THSD4: variants seen among roughly 807,000 people sequenced by gnomAD.
THSD4 encodes thrombospondin type 1 domain containing 4.
Under a neutral mutation model 119.0 loss-of-function variants are expected in THSD4, and 69 were observed. The ratio of observed to expected loss-of-function variants is 0.58; its 90% CI spans 0.48 to 0.71. The LOEUF (loss-of-function observed/expected upper bound fraction) is 0.71. Ranked by LOEUF, THSD4 falls within the 30% of genes least tolerant of loss-of-function variation. The probability of loss-of-function intolerance (pLI) is 0.00; values close to 1 mark genes in which losing one functional copy is unlikely to be tolerated. For missense variants in THSD4, 1,393 were observed against 1,391.1 expected (o/e 1.00, Z -0.02); for synonymous variants, 524 against 540.4 (o/e 0.97, Z 0.42).
intron 7 of THSD4, among the ~76,000 whole-genome samples, chr15:71,540,957 AAG>A (rs1451207711): frequency 6.6e-6 from 1 of 151,614 alleles, no homozygotes; most frequent in African/African-American, 2.4e-5. Context: ...TCCTGACCTC[AAG>A]TGATCCACCC....
At chr15:71,558,638 T>G (rs1259071247) in intron 7 of THSD4, among the ~76,000 whole-genome samples, 1 of 152,120 alleles carries the variant, frequency 6.6e-6, no homozygotes, top group Non-Finnish European at 1.5e-5. Context: ...CTGGCTAATT[T>G]TTTAAAATTT....
intron 8 of THSD4, among the ~76,000 whole-genome samples, chr15:71,686,788 T>G (rs751212367): frequency 6.6e-6 from 1 of 152,194 alleles, no homozygotes; most frequent in Non-Finnish European, 1.5e-5. Flanking sequence ...GCAGTCCCTA[T>G]GGACACTGTC....
At chr15:71,357,559 T>C (rs891479421) in intron 6 of THSD4, among the ~76,000 whole-genome samples, 9 of 152,206 alleles carry the variant, frequency 5.9e-5, no homozygotes, top group African/African-American at 2.2e-4. Flanking sequence ...GGGGAGGCTA[T>C]GCAGAGCCCC....
intron 7 of THSD4, among the ~76,000 whole-genome samples, chr15:71,521,794 G>A (rs2048445216): frequency 2.6e-5 from 4 of 152,160 alleles, no homozygotes; most frequent in Non-Finnish European, 5.9e-5. Context: ...ACGAGTAATA[G>A]ACATGTGTTT....
At chr15:71,758,141 G>C (rs114741382) in intron 15 of THSD4, 66 bp downstream of exon 15, 2 of 1,473,648 alleles carry the variant, frequency 1.4e-6, no homozygotes, top group Non-Finnish European at 1.8e-6. Context: ...GAGGGGTTAG[G>C]AACCAGGACT....
chr15:71,249,507 C>CATAT (rs552976625), intron 5 of THSD4, among the ~76,000 whole-genome samples: 1 of 137,234 alleles, frequency 7.3e-6, no homozygotes, highest in Non-Finnish European at 1.6e-5. Context: ...TTATTGACTT[C>CATAT]ATATATATAT....
intron 8 of THSD4, among the ~76,000 whole-genome samples, chr15:71,673,075 C>T (rs546457400): frequency 1.3e-5 from 2 of 152,212 alleles, no homozygotes; most frequent in African/African-American, 4.8e-5. Context: ...ACCAGCTCCT[C>T]TTTGTACCTC....
chr15:71,646,673 G>A (rs2050974914), intron 7 of THSD4, among the ~76,000 whole-genome samples: 1 of 152,138 alleles, frequency 6.6e-6, no homozygotes, highest in Admixed American at 6.6e-5. Context: ...CAGTAAATTA[G>A]GAGATATAAT....
intron 7 of THSD4, among the ~76,000 whole-genome samples, chr15:71,602,553 C>CAA (rs59370074): frequency 0.17 from 9,120 of 53,632 alleles, 1,216 homozygotes; most frequent in Middle Eastern, 0.23. Flanking sequence ...AACTCTGTCT[C>CAA]AAAAAAAAAA....
At chr15:71,720,040 T>TTC (rs1170125827) in intron 8 of THSD4, among the ~76,000 whole-genome samples, 1 of 145,374 alleles carries the variant, frequency 6.9e-6, no homozygotes, top group African/African-American at 2.5e-5. Flanking sequence ...TTTTTTCTTT[T>TTC]TTTTTTTTTT....
chr15:71,185,909 G>A (rs1438839927), intron 3 of THSD4: 2 of 152,182 alleles, frequency 1.3e-5, no homozygotes, highest in African/African-American at 2.4e-5. Context: ...AATGGTTAAA[G>A]TCTGGCCAGA....
At chr15:71,719,733 T>C (rs977754731) in intron 8 of THSD4, among the ~76,000 whole-genome samples, 10 of 152,208 alleles carry the variant, frequency 6.6e-5, no homozygotes, top group African/African-American at 2.2e-4. Flanking sequence ...TGGAGTACGG[T>C]GGCACGATCT....
At chr15:71,166,185 G>A (rs1411735027) in intron 3 of THSD4, among the ~76,000 whole-genome samples, 1 of 152,094 alleles carries the variant, frequency 6.6e-6, no homozygotes, top group African/African-American at 2.4e-5. Context: ...GAATTCAGAT[G>A]TTGTGGTCTT....
chr15:71,111,058 TGTGA>T, upstream of THSD4: 7 of 1,389,526 alleles, frequency 5.0e-6, no homozygotes, highest in Non-Finnish European at 6.8e-6. Flanking sequence ...GCCTCTTGGC[TGTGA>T]GTATTATCAT....
upstream of THSD4, chr15:71,113,735 G>A (rs1285668141): frequency 6.6e-6 from 1 of 152,136 alleles, no homozygotes; most frequent in Non-Finnish European, 1.5e-5. Context: ...TTGAATCCTA[G>A]CACCAAGGCC....
At chr15:71,237,486 T>C (rs139062559) in intron 4 of THSD4, among the ~76,000 whole-genome samples, 1 of 152,208 alleles carries the variant, frequency 6.6e-6, no homozygotes, top group East Asian at 1.9e-4. Flanking sequence ...GACTTGAGTG[T>C]GTTGACTTCG....
At chr15:71,389,318 A>T (rs1222050008) in intron 6 of THSD4, among the ~76,000 whole-genome samples, 1 of 152,040 alleles carries the variant, frequency 6.6e-6, no homozygotes, top group Non-Finnish European at 1.5e-5. Context: ...GGCAACTATT[A>T]TTCTACTTTC....
At chr15:71,439,621 C>T (rs955314015) in intron 7 of THSD4, among the ~76,000 whole-genome samples, 1 of 152,178 alleles carries the variant, frequency 6.6e-6, no homozygotes, top group Non-Finnish European at 1.5e-5. Context: ...CCCAAATGTC[C>T]ATCAGTGATA....
Position 71,182,902 on chromosome 15 carries a change from G to A in THSD4, c.99+27970G>A, listed in dbSNP as rs141783900. On this transcript the variant is annotated intron_variant, in intron 3 of 17. Transcript: ENST00000261862. ...AGTCAATGTCCTTTTGTTCCTAATTGTATTCTCTTTGTATTTTTTTATACA... is the reference window on the plus strand; with the variant it reads ...AGTCAATGTCCTTTTGTTCCTAATTATATTCTCTTTGTATTTTTTTATACA... Among the ~76,000 whole-genome samples the A allele has an allele frequency of 1.2e-3, 185 of 151,842 alleles. 1 individual carries two copies. Among genetic ancestry groups the A allele is most frequent in the African/African-American group, 4.4e-3 (184 of 41,508 alleles).
Sources: gnomAD v4.1 joint callset for allele counts (sites outside exome capture counted in the v4.1 genomes callset) on GRCh38, gnomAD v4.1.1 for gene constraint, MANE v1.5 for transcripts, NCBI Gene and HGNC (gene_info 2026-07-23, HGNC 2026-07-21) for gene names.